DNM3: variants seen among roughly 807,000 people sequenced by gnomAD.
DNM3 encodes the protein dynamin 3.
In DNM3, 47 loss-of-function variants were observed where a neutral mutation model predicts 101.6. The ratio of observed to expected loss-of-function variants is 0.46; its 90% CI spans 0.37 to 0.59. The LOEUF is 0.59. DNM3 is among the 20% of genes least tolerant of loss of function. The pLI is 0.00. For missense variants in DNM3, 849 were observed against 1,085.7 expected, an observed-to-expected ratio of 0.78 and a Z score of 3.06; for synonymous variants, 385 against 387.9, an observed-to-expected ratio of 0.99 and a Z score of 0.09.
intron 1 of DNM3, among the ~76,000 whole-genome samples, chr1:171,876,699 T>C (rs2035818176): frequency 6.6e-6 from 1 of 152,242 alleles, no homozygotes; most frequent in South Asian, 2.1e-4. Flanking sequence ...TTATTGACTA[T>C]AATCTAGAAA....
chr1:171,938,497 T>G (rs537262881), intron 2 of DNM3, among the ~76,000 whole-genome samples: 1 of 152,312 alleles, frequency 6.6e-6, no homozygotes, highest in Non-Finnish European at 1.5e-5. Context: ...CAAAATAAAT[T>G]AAAATATATT....
intron 15 of DNM3, among the ~76,000 whole-genome samples, chr1:172,262,403 C>A (rs1023270841): frequency 6.6e-6 from 1 of 152,136 alleles, no homozygotes; most frequent in East Asian, 1.9e-4. Flanking sequence ...GCAGCAGTGC[C>A]TTCATGTGGT....
rs1051998011 is a variant in DNM3, at chr1:172,379,226, G to A, written c.2058+44G>A. The A allele has an allele frequency of 9.5e-6, 14 of 1,466,180 alleles. 1 individual carries two copies. The highest frequency in any genetic ancestry group is 3.9e-5 in the South Asian group (3 of 76,710). 90.8% of individuals were successfully genotyped at this position (1,466,180 alleles called of 1,614,324 possible). On this transcript the variant is annotated intron_variant, in intron 18 of 20. Transcript: ENST00000627582. Reference sequence around the variant, plus strand: ...CCTCCATTTAACTTCTAACCCATCCGAGTGTGGAAGTTGCACATATTATCT... The same window carrying A: ...CCTCCATTTAACTTCTAACCCATCCAAGTGTGGAAGTTGCACATATTATCT...
chr1:171,939,345 A>AC (rs1304045425), intron 2 of DNM3, among the ~76,000 whole-genome samples: 1 of 152,100 alleles, frequency 6.6e-6, no homozygotes, highest in African/African-American at 2.4e-5. Flanking sequence ...TAGAATTACC[A>AC]CTCATGATTG....
intron 16 of DNM3, among the ~76,000 whole-genome samples, chr1:172,314,801 C>G (rs2065247656): frequency 6.6e-6 from 1 of 152,230 alleles, no homozygotes; most frequent in South Asian, 2.1e-4. Flanking sequence ...GGCTCCACCT[C>G]TGGGGGCAGG....
At chr1:171,885,939 G>A (rs1379730471) in intron 1 of DNM3, among the ~76,000 whole-genome samples, 1 of 152,162 alleles carries the variant, frequency 6.6e-6, no homozygotes, top group African/African-American at 2.4e-5. Context: ...GGTACAGGAT[G>A]AAACTGAGAG....
At chr1:172,201,538 G>A (rs1450749951) in intron 14 of DNM3, among the ~76,000 whole-genome samples, 1 of 152,208 alleles carries the variant, frequency 6.6e-6, no homozygotes, top group African/African-American at 2.4e-5. Flanking sequence ...ATGGGCCCAA[G>A]CCAGGGGTTC....
chr1:171,909,302 G>T (rs2039091665), intron 1 of DNM3, among the ~76,000 whole-genome samples: 1 of 151,974 alleles, frequency 6.6e-6, no homozygotes, highest in Non-Finnish European at 1.5e-5. Context: ...GTGTGGTGCT[G>T]CATGCCTGTA....
At chr1:172,061,645 C>T (rs1245620988) in intron 10 of DNM3, among the ~76,000 whole-genome samples, 2 of 141,518 alleles carry the variant, frequency 1.4e-5, no homozygotes, top group East Asian at 2.1e-4. Flanking sequence ...GGGAATTGAA[C>T]AATGAGATCA....
intron 1 of DNM3, among the ~76,000 whole-genome samples, chr1:171,921,072 C>T (rs189830268): frequency 4.6e-5 from 7 of 151,906 alleles, no homozygotes; most frequent in South Asian, 2.1e-4. Context: ...TAGAGGCCCA[C>T]GCCACCACGT....
chr1:171,864,083 G>A (rs1009543301), intron 1 of DNM3: 1 of 152,130 alleles, frequency 6.6e-6, no homozygotes, highest in Admixed American at 6.5e-5. Flanking sequence ...TCTAAAAAGT[G>A]GGTTTTAAAT....
At chr1:172,188,298 C>A (rs2059590442) in intron 14 of DNM3, among the ~76,000 whole-genome samples, 1 of 152,066 alleles carries the variant, frequency 6.6e-6, no homozygotes, top group Non-Finnish European at 1.5e-5. Context: ...CTCCAGATTT[C>A]TTTTCCTTAG....
At position 172,100,521 on chromosome 1, in the gene DNM3, TAA is replaced by T. The variant is rs1449040695; in HGVS notation, c.1545+7647_1545+7648del. On this transcript the variant is annotated intron_variant, in intron 13 of 20. Transcript: ENST00000627582. ...AACAAAGATTGCCAACATCCTAGCCTAAGAGAGATCCTTCCAGTCCTCTCGCC... is the reference window on the plus strand; with the variant it reads ...AACAAAGATTGCCAACATCCTAGCCTGAGAGATCCTTCCAGTCCTCTCGCC... Among the ~76,000 whole-genome samples, 3 of 152,320 alleles carry T rather than the reference TAA, an allele frequency of 2.0e-5. No homozygotes were observed. In the East Asian group the frequency reaches 5.8e-4, roughly 29 times the overall value.
intron 2 of DNM3, among the ~76,000 whole-genome samples, chr1:171,980,399 A>C (rs2044700619): frequency 6.6e-6 from 1 of 152,188 alleles, no homozygotes; most frequent in Non-Finnish European, 1.5e-5. Context: ...TAATGATCAA[A>C]TTAGGGTAGT....
At chr1:172,290,299 A>G (rs1177656580) in intron 15 of DNM3, among the ~76,000 whole-genome samples, 2 of 152,178 alleles carry the variant, frequency 1.3e-5, no homozygotes, top group East Asian at 3.8e-4. Context: ...GAAGGGTGGC[A>G]GGATTTTAGC....
intron 14 of DNM3, among the ~76,000 whole-genome samples, chr1:172,249,652 T>G (rs1261406244): frequency 3.9e-5 from 6 of 152,158 alleles, no homozygotes; most frequent in Non-Finnish European, 2.9e-5. Context: ...TATGCAGAAG[T>G]TCTTTTATGA....
intron 4 of DNM3, among the ~76,000 whole-genome samples, chr1:172,032,085 G>A (rs186815210): frequency 8.7e-4 from 132 of 152,244 alleles, no homozygotes; most frequent in African/African-American, 2.6e-3. Context: ...GAACTTAGGA[G>A]CAAAATGAAA....
chr1:171,845,590 G>A (rs1250323871), intron 1 of DNM3, among the ~76,000 whole-genome samples: 1 of 152,086 alleles, frequency 6.6e-6, no homozygotes, highest in Admixed American at 6.6e-5. Flanking sequence ...CTATGTTAAT[G>A]ATTTTATTAA....
At position 172,040,981 on chromosome 1, in the gene DNM3, C is replaced by A. The variant is rs568528544; in HGVS notation, c.993-1028C>A. 3.3e-3 allele frequency among the ~76,000 whole-genome samples: 503 copies of A among 152,156 alleles called. 4 individuals are homozygous for A. The highest frequency in any genetic ancestry group is 0.017 in the Middle Eastern group (5 of 294). On this transcript the variant is annotated intron_variant, in intron 7 of 20. Transcript: ENST00000627582. The stretch of plus-strand genomic sequence containing the variant: ...GCAGCCAAAGCCAGACCATAAAATG[C>A]TGGGAGATGGGCTAAAGAGTTTTGA...
Sources: gnomAD v4.1 joint callset for allele counts (sites outside exome capture counted in the v4.1 genomes callset) on GRCh38, gnomAD v4.1.1 for gene constraint, MANE v1.5 for transcripts, NCBI Gene and HGNC (gene_info 2026-07-23, HGNC 2026-07-21) for gene names.